SLC7A8: variants seen among roughly 807,000 people sequenced by gnomAD.
SLC7A8 encodes the protein solute carrier family 7 member 8.
Under a neutral mutation model 51.2 loss-of-function variants are expected in SLC7A8, and 30 were observed. The ratio of observed to expected loss-of-function variants is 0.59; its 90% CI spans 0.44 to 0.80. The LOEUF (loss-of-function observed/expected upper bound fraction) is 0.80. Among genes scored for constraint, SLC7A8 ranks in the 30% least tolerant of loss-of-function variants. The pLI is 0.00. For synonymous variants in SLC7A8, 257 were observed against 275.8 expected (o/e 0.93, Z 0.67); for missense variants, 612 against 674.4 (o/e 0.91, Z 1.03).
At chr14:23,176,941 CA>C (rs10633003) in intron 1 of SLC7A8, among the ~76,000 whole-genome samples, 3,852 of 72,778 alleles carry the variant, frequency 0.053, 70 homozygotes, top group African/African-American at 0.12. Context: ...GACTCTGTCT[CA>C]AAAAAAAAAA....
chr14:23,176,226 C>G (rs557002763), intron 1 of SLC7A8, among the ~76,000 whole-genome samples: 2 of 152,304 alleles, frequency 1.3e-5, no homozygotes, highest in South Asian at 2.1e-4. Context: ...GGTGTGAGAT[C>G]TTTTATACTT....
intron 1 of SLC7A8, among the ~76,000 whole-genome samples, chr14:23,167,883 C>T (rs2268875): frequency 0.23 from 34,890 of 151,974 alleles, 4,567 homozygotes; most frequent in East Asian, 0.45. Flanking sequence ...TAAGGTGCTA[C>T]GCTCAGCTTT....
At position 23,183,097 on chromosome 14, in the gene SLC7A8, C is replaced by T. The variant is rs373063102; in HGVS notation, c.-183G>A. 22 of 218,814 alleles carry T rather than the reference C, an allele frequency of 1.0e-4. 1 individual carries two copies. Among genetic ancestry groups the T allele is most frequent in the African/African-American group, 4.3e-4 (16 of 37,464 alleles). The allele number at this position is 218,814 out of a possible 1,614,324, so 13.6% of individuals were successfully genotyped here. On this transcript the variant is annotated 5_prime_UTR_variant, in exon 1 of 11. It adds an upstream start codon to the 5' untranslated region. Transcript: ENST00000316902. ...AAAATATTCCTACTCCGCATTCACACTTTCTGGTCACTCGCGTTTACAAAC... is the reference window on the plus strand; with the variant it reads ...AAAATATTCCTACTCCGCATTCACATTTTCTGGTCACTCGCGTTTACAAAC...
At chr14:23,149,412 C>T (rs1277278558) in intron 3 of SLC7A8, among the ~76,000 whole-genome samples, 1 of 152,180 alleles carries the variant, frequency 6.6e-6, no homozygotes, top group Non-Finnish European at 1.5e-5. Flanking sequence ...AACACTGGCC[C>T]AAGAATCACT....
chr14:23,165,157 G>T lies in SLC7A8; in HGVS notation c.508+128C>A. On this transcript the variant is annotated intron_variant, in intron 3 of 10. Coordinates refer to ENST00000316902, the MANE Select transcript of SLC7A8 (RefSeq NM_012244.4). The surrounding 1 kb of genome is among the most constrained non-coding windows in gnomAD (Gnocchi z 4.2). The stretch of plus-strand genomic sequence containing the variant: ...CACTTGAGCCCAGGAGTTCAAGGCT[G>T]CAGTGAGCTATGATCATGCGGCTGC... The T allele has an allele frequency of 1.0e-6, 1 of 966,886 alleles. No homozygotes were observed. The highest frequency in any genetic ancestry group is 1.7e-5 in the African/African-American group (1 of 58,502). The allele number at this position is 966,886 out of a possible 1,614,324, so 59.9% of individuals were successfully genotyped here. A position where few individuals can be genotyped will look rare whatever the true frequency, so the allele number is the denominator to read the frequency against.
chr14:23,170,205 A>G (rs958143656), intron 1 of SLC7A8, among the ~76,000 whole-genome samples: 6 of 152,224 alleles, frequency 3.9e-5, no homozygotes, highest in Non-Finnish European at 5.9e-5. Context: ...CATGCACTGC[A>G]TAAGTAGCAA....
In SLC7A8 at chr14:23,133,305, G is replaced by T. The variant is rs557596638; in HGVS notation, c.1017-1748C>A. ...ATAAAAATAAAATTAGCCAGGTGTG[G>T]TGGCATGTGCCTGTTGTTCTAATTA... On this transcript the variant is annotated intron_variant, in intron 7 of 10. Transcript: ENST00000316902. Among the ~76,000 whole-genome samples, 3 of 152,116 alleles carry T rather than the reference G, an allele frequency of 2.0e-5. No individual in the cohort carries two copies. In the East Asian group the frequency reaches 5.8e-4, roughly 29 times the overall value.
chr14:23,145,545 AAT>A (rs200341558), intron 3 of SLC7A8, among the ~76,000 whole-genome samples: 100,568 of 137,598 alleles, frequency 0.73, 37,003 homozygotes, highest in East Asian at 0.81. Flanking sequence ...AAGAAAAAAA[AAT>A]TTTTTTTTTT....
In SLC7A8 at chr14:23,126,069, G is replaced by A. The variant is rs1362380778; in HGVS notation, c.*1108C>T. 1 of 152,724 alleles carries A rather than the reference G, an allele frequency of 6.5e-6. No homozygotes were observed. Among genetic ancestry groups the A allele is most frequent in the Non-Finnish European group, 1.5e-5 (1 of 68,100 alleles). The allele number at this position is 152,724 out of a possible 1,614,324, so 9.5% of individuals were successfully genotyped here. On this transcript the variant is annotated 3_prime_UTR_variant, in exon 11 of 11. Transcript: ENST00000316902. ...CCTCAGTCTCCCAGGGTATGGAATG[G>A]GCACCTCTAGGGAGGGGGAAAGCAC...
At position 23,156,857 on chromosome 14, in the gene SLC7A8, ACAG is replaced by A. The variant is rs372672970; in HGVS notation, c.508+8425_508+8427del. Among the ~76,000 whole-genome samples the A allele has an allele frequency of 9.2e-5, 14 of 152,328 alleles. No homozygotes were observed. The East Asian group carries it at 2.5e-3, about 27-fold the overall frequency. On this transcript the variant is annotated intron_variant, in intron 3 of 10. Coordinates refer to ENST00000316902, the MANE Select transcript of SLC7A8 (RefSeq NM_012244.4). ...GGGTGTGGGCACACACACTCTCTGAACAGCAGAACTTCTGTCTGAGAGTAGAAG... is the reference window on the plus strand; with the variant it reads ...GGGTGTGGGCACACACACTCTCTGAACAGAACTTCTGTCTGAGAGTAGAAG...
chr14:23,127,041 C>A lies in SLC7A8; in HGVS notation c.*136G>T. 1 of 1,088,504 alleles carries A rather than the reference C, an allele frequency of 9.2e-7. No individual in the cohort carries two copies. The highest frequency in any genetic ancestry group is 1.3e-6 in the Non-Finnish European group (1 of 748,408). The allele number at this position is 1,088,504 out of a possible 1,614,324, so 67.4% of individuals were successfully genotyped here. On this transcript the variant is annotated 3_prime_UTR_variant, in exon 11 of 11. Transcript: ENST00000316902. Reference sequence around the variant, plus strand: ...GTTTTTGTTTACAATTTCTCACCACCCACACCAAAGTCCTACCACTGCCTG... The same window carrying A: ...GTTTTTGTTTACAATTTCTCACCACACACACCAAAGTCCTACCACTGCCTG...
At position 23,127,011 on chromosome 14, in the gene SLC7A8, TG is replaced by T; in HGVS notation, c.*165del. ...GAGAGGCTGGTTCTTTGGGTATGAA[TG>T]TCAGTTTTTGTTTACAATTTCTCAC... On this transcript the variant is annotated 3_prime_UTR_variant, in exon 11 of 11. Transcript: ENST00000316902. The T allele has an allele frequency of 1.3e-6, 1 of 795,622 alleles. No individual in the cohort carries two copies. Among genetic ancestry groups the T allele is most frequent in the Non-Finnish European group, 2.0e-6 (1 of 502,220 alleles). 49.3% of individuals were successfully genotyped at this position (795,622 alleles called of 1,614,324 possible). A position where few individuals can be genotyped will look rare whatever the true frequency, so the allele number is the denominator to read the frequency against.
chr14:23,130,745 G>A (rs750889261), intron 8 of SLC7A8, among the ~76,000 whole-genome samples: 5 of 152,182 alleles, frequency 3.3e-5, no homozygotes, highest in Non-Finnish European at 5.9e-5. Context: ...GCTCCCAAGA[G>A]CTCTGTTATT....
At chr14:23,135,440 C>T (rs1202632577) in intron 7 of SLC7A8, among the ~76,000 whole-genome samples, 4 of 151,382 alleles carry the variant, frequency 2.6e-5, no homozygotes, top group Admixed American at 1.3e-4. Context: ...CGGTGGCTCA[C>T]GCCTGTAATT....
intron 3 of SLC7A8, among the ~76,000 whole-genome samples, chr14:23,143,947 C>T (rs2048767713): frequency 6.6e-6 from 1 of 151,392 alleles, no homozygotes; most frequent in African/African-American, 2.4e-5. Flanking sequence ...TCACAGAATG[C>T]TTTCGAGATC....
chr14:23,137,771 A>C lies in SLC7A8; in HGVS notation c.1016+150T>G, dbSNP rs924203236. 12 of 922,410 alleles carry C rather than the reference A, an allele frequency of 1.3e-5. No individual in the cohort carries two copies. The Middle Eastern group carries it at 1.0e-3, about 80-fold the overall frequency. The allele number at this position is 922,410 out of a possible 1,614,324, so 57.1% of individuals were successfully genotyped here. A position where few individuals can be genotyped will look rare whatever the true frequency, so the allele number is the denominator to read the frequency against. ...CTCCTCAGCATCCACACTGACACAC[A>C]CGCCCTCATGTGAGCAGTCACCCCT... On this transcript the variant is annotated intron_variant, in intron 7 of 10. Transcript: ENST00000316902.
chr14:23,133,440 CAAAAAA>C (rs10577714), intron 7 of SLC7A8, among the ~76,000 whole-genome samples: 2 of 93,220 alleles, frequency 2.1e-5, no homozygotes, highest in East Asian at 3.3e-4. Context: ...GAACCTGTCT[CAAAAAA>C]AAAAAAAAAA....
At chr14:23,161,795 CTT>C (rs1327959411) in intron 3 of SLC7A8, among the ~76,000 whole-genome samples, 1 of 152,020 alleles carries the variant, frequency 6.6e-6, no homozygotes, top group Non-Finnish European at 1.5e-5. Context: ...GGCATGGTGG[CTT>C]ATGCCTGTAA....
intron 5 of SLC7A8, 71 bp from the exon 6 acceptor site, chr14:23,139,618 G>A: frequency 6.5e-7 from 1 of 1,541,032 alleles, no homozygotes; most frequent in Non-Finnish European, 8.8e-7. Context: ...AGTCCAGGGG[G>A]TGTCTTCTGT....
Sources: gnomAD v4.1 joint callset for allele counts (sites outside exome capture counted in the v4.1 genomes callset) on GRCh38, gnomAD v4.1.1 for gene constraint, Gnocchi (gnomAD v3.1) non-coding constraint, MANE v1.5 for transcripts, NCBI Gene and HGNC (gene_info 2026-07-23, HGNC 2026-07-21) for gene names.